PTPDC1: variants seen among roughly 807,000 people sequenced by gnomAD.
PTPDC1 encodes protein tyrosine phosphatase domain containing 1, also known as protein tyrosine phosphatase domain-containing protein 1.
Under a neutral mutation model 75.3 loss-of-function variants are expected in PTPDC1, and 53 were observed. That is an observed-to-expected ratio of 0.70 (90% CI 0.56 to 0.88). PTPDC1 has a LOEUF of 0.88. Among genes scored for constraint, PTPDC1 ranks in the 40% least tolerant of loss-of-function variants. The pLI is 0.00. For synonymous variants in PTPDC1, 349 were observed against 366.2 expected, an observed-to-expected ratio of 0.95 and a Z score of 0.54; for missense variants, 925 against 998.6, an observed-to-expected ratio of 0.93 and a Z score of 0.99.
At chr9:94,067,518 T>C (rs1033334171) in intron 2 of PTPDC1, among the ~76,000 whole-genome samples, 2 of 152,194 alleles carry the variant, frequency 1.3e-5, no homozygotes, top group African/African-American at 2.4e-5. Flanking sequence ...CTTATAGATA[T>C]ACCATAGATA....
intron 4 of PTPDC1, among the ~76,000 whole-genome samples, chr9:94,091,364 T>C (rs1827311393): frequency 6.6e-6 from 1 of 152,206 alleles, no homozygotes; most frequent in Non-Finnish European, 1.5e-5. Context: ...TCTTTGGCTC[T>C]GTTTATATGC....
At chr9:94,052,322 A>G (rs1029376269) in intron 1 of PTPDC1, among the ~76,000 whole-genome samples, 2 of 152,176 alleles carry the variant, frequency 1.3e-5, no homozygotes, top group Admixed American at 6.5e-5. Context: ...GGTGTGGTCT[A>G]AAAATATACT....
intron 4 of PTPDC1, among the ~76,000 whole-genome samples, chr9:94,091,642 A>G (rs1333999471): frequency 2.0e-5 from 3 of 152,300 alleles, no homozygotes; most frequent in African/African-American, 7.2e-5. Context: ...TGATTGGAAT[A>G]GTTTCAGAAG....
intron 2 of PTPDC1, 151 bp from the exon 3 acceptor site, chr9:94,087,680 T>C (rs1827125887): frequency 4.7e-6 from 3 of 633,294 alleles, no homozygotes; most frequent in African/African-American, 1.8e-5. Context: ...AACTGTATTA[T>C]CTGTTCAAAT....
chr9:94,076,689 G>T (rs759105004), intron 2 of PTPDC1, among the ~76,000 whole-genome samples: 3 of 151,994 alleles, frequency 2.0e-5, no homozygotes, highest in Non-Finnish European at 4.4e-5. Context: ...TTTTTCTTGG[G>T]TATTTACCTA....
Position 94,097,820 on chromosome 9 carries a change from C to T in PTPDC1, c.1254C>T (p.Ser418=), listed in dbSNP as rs1044872683. ...TTGACAATCGAGGCATGATTTTCTC[C>T]AATGAGCAACAGTTTGACCCTCTTT... ...ADFDNRGMIF[S]NEQQFDPLWK... The change falls in exon 6 of 9, where the codon TCC becomes TCT. Residue 418 remains serine, a synonymous_variant. Transcript: ENST00000620992. 1 of 1,614,206 alleles carries T rather than the reference C, an allele frequency of 6.2e-7. No homozygotes were observed. Among genetic ancestry groups the T allele is most frequent in the Admixed American group, 1.7e-5 (1 of 60,022 alleles).
At chr9:94,083,317 G>A (rs546845832), upstream of PTPDC1, among the ~76,000 whole-genome samples, 1 of 152,222 alleles carries the variant, frequency 6.6e-6, no homozygotes, top group South Asian at 2.1e-4. Context: ...AAATAACAAA[G>A]GCATGATACT....
At chr9:94,065,291 G>A (rs183817051) in intron 2 of PTPDC1, among the ~76,000 whole-genome samples, 12 of 152,250 alleles carry the variant, frequency 7.9e-5, no homozygotes, top group Non-Finnish European at 1.5e-4. Flanking sequence ...CCCTTTACTC[G>A]TCCTGACCAT....
upstream of PTPDC1, among the ~76,000 whole-genome samples, chr9:94,081,710 C>T (rs181214215): frequency 3.3e-5 from 5 of 151,896 alleles, no homozygotes; most frequent in Non-Finnish European, 5.9e-5. Context: ...ACCTGTGACA[C>T]GTGGAGATGG....
At chr9:94,038,837 T>G (rs996138799) in intron 1 of PTPDC1, among the ~76,000 whole-genome samples, 1 of 152,348 alleles carries the variant, frequency 6.6e-6, no homozygotes, top group Admixed American at 6.5e-5. Flanking sequence ...TTGGCCTTAA[T>G]TATGCCAATC....
At position 94,109,746 on chromosome 9, in the gene PTPDC1, A is replaced by T. The variant is rs1828132277; in HGVS notation, c.*1802A>T. The T allele has an allele frequency of 6.6e-6, 1 of 152,236 alleles. No individual in the cohort carries two copies. The highest frequency in any genetic ancestry group is 1.5e-5 in the Non-Finnish European group (1 of 68,044). 9.4% of individuals were successfully genotyped at this position (152,236 alleles called of 1,614,324 possible). Reference sequence around the variant, plus strand: ...TATGATGTGACCATAGCATGGCACAACTAAAAATCTAAGCCTGAAACCTGA... The same window carrying T: ...TATGATGTGACCATAGCATGGCACATCTAAAAATCTAAGCCTGAAACCTGA... On this transcript the variant is annotated 3_prime_UTR_variant, in exon 9 of 9. Coordinates refer to ENST00000620992, the MANE Select transcript of PTPDC1 (RefSeq NM_001253829.2).
intron 4 of PTPDC1, among the ~76,000 whole-genome samples, 166 bp downstream of exon 4, chr9:94,088,429 T>G (rs1187194456): frequency 6.6e-6 from 1 of 152,176 alleles, no homozygotes; most frequent in Non-Finnish European, 1.5e-5. Context: ...CTGTTGAAAG[T>G]AAAGGATTTC....
At chr9:94,046,354 T>C (rs1241210090) in intron 1 of PTPDC1, among the ~76,000 whole-genome samples, 1 of 152,204 alleles carries the variant, frequency 6.6e-6, no homozygotes, top group Non-Finnish European at 1.5e-5. Flanking sequence ...ATATGAACTT[T>C]AGAGTAGTTT....
At chr9:94,067,700 C>G (rs1480289713) in intron 2 of PTPDC1, among the ~76,000 whole-genome samples, 1 of 152,216 alleles carries the variant, frequency 6.6e-6, no homozygotes, top group South Asian at 2.1e-4. Flanking sequence ...CTCCCAAGTT[C>G]AAGCGATTCT....
intron 8 of PTPDC1, among the ~76,000 whole-genome samples, chr9:94,105,447 A>C (rs570151685): frequency 1.4e-3 from 211 of 152,300 alleles, no homozygotes; most frequent in African/African-American, 4.7e-3. Flanking sequence ...AGATGGGTGG[A>C]TCATGAGATC....
Position 94,098,285 on chromosome 9 carries a change from C to T in PTPDC1, c.1719C>T (p.His573=). Reference sequence around the variant, plus strand: ...TCCATAAGGATCCAAACCCTGCTCACCAGCAAGTGTCTCACTGTCAGTGTA... The same window carrying T: ...TCCATAAGGATCCAAACCCTGCTCATCAGCAAGTGTCTCACTGTCAGTGTA... ...ANVHKDPNPA[H]QQVSHCQCKT... is the part of the protein sequence containing the mutation. The change falls in exon 6 of 9, where the codon CAC becomes CAT. Residue 573 remains histidine (H), a synonymous_variant. Coordinates refer to ENST00000620992, the MANE Select transcript of PTPDC1 (RefSeq NM_001253829.2). 1 of 1,614,204 alleles carries T rather than the reference C, an allele frequency of 6.2e-7. No individual in the cohort carries two copies. Among genetic ancestry groups the T allele is most frequent in the Non-Finnish European group, 8.5e-7 (1 of 1,180,044 alleles).
intron 8 of PTPDC1, among the ~76,000 whole-genome samples, chr9:94,106,192 A>T (rs1158900690): frequency 6.6e-6 from 1 of 152,154 alleles, no homozygotes. Flanking sequence ...GTTGTTCAAA[A>T]TCTGTCTATA....
intron 2 of PTPDC1, among the ~76,000 whole-genome samples, chr9:94,066,489 A>G (rs1169641880): frequency 6.6e-6 from 1 of 152,240 alleles, no homozygotes; most frequent in African/African-American, 2.4e-5. Flanking sequence ...CAGAAAACTT[A>G]TCAAGAAGTA....
chr9:94,094,512 A>G (rs10120093), intron 4 of PTPDC1, among the ~76,000 whole-genome samples: 99,033 of 151,498 alleles, frequency 0.65, 34,614 homozygotes, highest in African/African-American at 0.91. Context: ...AGTATGCAAA[A>G]GTTACTGCTG....
Sources: allele counts gnomAD v4.1 joint callset (sites outside exome capture counted in the v4.1 genomes callset), GRCh38; gene constraint gnomAD v4.1.1; transcripts MANE v1.5; gene names NCBI Gene and HGNC (gene_info 2026-07-23, HGNC 2026-07-21).